PLEKHA5: variants seen among roughly 807,000 people sequenced by gnomAD.
PLEKHA5 encodes the protein pleckstrin homology domain containing A5, also known as pleckstrin homology domain-containing family A member 5.
A neutral mutation model predicts 181.9 loss-of-function variants in PLEKHA5; 55 were observed. The ratio of observed to expected loss-of-function variants is 0.30; its 90% CI spans 0.24 to 0.38. The LOEUF (loss-of-function observed/expected upper bound fraction) is 0.38, where lower values mean the gene tolerates loss of function less well. Among genes scored for constraint, PLEKHA5 ranks in the 10% least tolerant of loss-of-function variants. The pLI is 1.00. For missense variants in PLEKHA5, 1,432 were observed against 1,549.5 expected (o/e 0.92, Z 1.27); for synonymous variants, 535 against 529.4 (o/e 1.01, Z -0.15).
At chr12:19,154,777 A>C (rs2041283328) in intron 3 of PLEKHA5, 1 of 152,188 alleles carries the variant, frequency 6.6e-6, no homozygotes, top group African/African-American at 2.4e-5. Context: ...TTTAAAATAT[A>C]ATGTTATCTT....
intron 13 of PLEKHA5, among the ~76,000 whole-genome samples, chr12:19,288,399 A>G (rs1342814949): frequency 1.3e-5 from 2 of 152,194 alleles, no homozygotes; most frequent in Non-Finnish European, 2.9e-5. Flanking sequence ...TTAGCAGGAC[A>G]CTTCTTCTAG....
chr12:19,229,012 A>T (rs1008349056), intron 3 of PLEKHA5, among the ~76,000 whole-genome samples: 8 of 152,344 alleles, frequency 5.3e-5, no homozygotes, highest in Admixed American at 1.3e-4. Flanking sequence ...TGACAAAGGA[A>T]TTTATACAAA....
intron 3 of PLEKHA5, among the ~76,000 whole-genome samples, chr12:19,165,769 T>A (rs766606748): frequency 2.0e-5 from 3 of 152,178 alleles, no homozygotes; most frequent in Non-Finnish European, 4.4e-5. Flanking sequence ...TATTTTGGTC[T>A]AACTATCAAA....
At chr12:19,350,152 A>G (rs1319160072) in intron 25 of PLEKHA5, among the ~76,000 whole-genome samples, 3 of 152,122 alleles carry the variant, frequency 2.0e-5, no homozygotes, top group African/African-American at 7.2e-5. Flanking sequence ...ACTGTTTGAA[A>G]CTTGATTGGA....
chr12:19,169,108 C>A, intron 3 of PLEKHA5, among the ~76,000 whole-genome samples: 1 of 152,006 alleles, frequency 6.6e-6, no homozygotes, highest in East Asian at 1.9e-4. Flanking sequence ...TATTTTTACT[C>A]TTAAAGAAAA....
At chr12:19,335,711 A>G (rs1022173252) in intron 20 of PLEKHA5, among the ~76,000 whole-genome samples, 6 of 151,156 alleles carry the variant, frequency 4.0e-5, no homozygotes, top group Non-Finnish European at 8.8e-5. Flanking sequence ...GGCTCACTGC[A>G]ACCTCTGCTT....
intron 18 of PLEKHA5, 164 bp downstream of exon 18, chr12:19,320,788 C>T (rs570090708): frequency 2.4e-6 from 1 of 422,118 alleles, no homozygotes; most frequent in African/African-American, 2.0e-5. Context: ...TCCCTGCCCT[C>T]TACGTCCCAC....
intron 5 of PLEKHA5, among the ~76,000 whole-genome samples, chr12:19,255,647 A>G (rs1208572270): frequency 6.6e-6 from 1 of 151,832 alleles, no homozygotes; most frequent in East Asian, 1.9e-4. Flanking sequence ...TTTTCAAGTA[A>G]TATAAATAAT....
intron 25 of PLEKHA5, among the ~76,000 whole-genome samples, chr12:19,349,441 A>AG (rs1273513690): frequency 2.0e-5 from 3 of 152,100 alleles, no homozygotes; most frequent in African/African-American, 7.2e-5. Context: ...TGTGTGTTTA[A>AG]AATTATGCAT....
At chr12:19,159,576 T>C (rs2151451090) in intron 3 of PLEKHA5, among the ~76,000 whole-genome samples, 1 of 152,284 alleles carries the variant, frequency 6.6e-6, no homozygotes, top group Middle Eastern at 3.4e-3. Flanking sequence ...AAATGTTTCA[T>C]TTAAAATTGT....
At chr12:19,374,657 T>G (rs956877450) in intron 31 of PLEKHA5, among the ~76,000 whole-genome samples, 1 of 141,620 alleles carries the variant, frequency 7.1e-6, no homozygotes, top group African/African-American at 2.7e-5. Context: ...AGACTCAGTC[T>G]CAAAAATAAT....
At chr12:19,136,340 T>G (rs1013404909) in intron 3 of PLEKHA5, among the ~76,000 whole-genome samples, 1 of 152,230 alleles carries the variant, frequency 6.6e-6, no homozygotes, top group Non-Finnish European at 1.5e-5. Context: ...TTCATATTGT[T>G]TTTATAACTT....
intron 20 of PLEKHA5, among the ~76,000 whole-genome samples, chr12:19,326,764 T>G (rs1167589201): frequency 6.6e-6 from 1 of 152,168 alleles, no homozygotes. Context: ...GTTACCATCT[T>G]TATGTCCACG....
chr12:19,149,290 C>T lies in PLEKHA5; in HGVS notation c.227+16840C>T, dbSNP rs535578523. ...GGCCAGCGTGGACGGATCACGAGGT[C>T]GGGAGATCGAGACCATCCTGGCTAG... On this transcript the variant is annotated intron_variant, in intron 3 of 31. Coordinates refer to ENST00000429027, the MANE Select transcript of PLEKHA5 (RefSeq NM_001256470.2). Among the ~76,000 whole-genome samples, 7 of 151,828 alleles carry T rather than the reference C, an allele frequency of 4.6e-5. No homozygotes were observed. The South Asian group carries it at 8.3e-4, about 18-fold the overall frequency.
chr12:19,185,808 G>C lies in PLEKHA5; in HGVS notation c.227+53358G>C, dbSNP rs181311680. On this transcript the variant is annotated intron_variant, in intron 3 of 31. Transcript: ENST00000429027. ...TGAAACAAAAAGTAATGAAGATCAAGTTGTTCCAAGGATAGCCATTAACTA... is the reference window on the plus strand; with the variant it reads ...TGAAACAAAAAGTAATGAAGATCAACTTGTTCCAAGGATAGCCATTAACTA... 1.2e-3 allele frequency among the ~76,000 whole-genome samples: 183 copies of C among 152,280 alleles called. 2 individuals carry two copies. Among genetic ancestry groups the C allele is most frequent in the Admixed American group, 0.012 (179 of 15,288 alleles).
intron 3 of PLEKHA5, among the ~76,000 whole-genome samples, chr12:19,166,474 C>T (rs2151578488): frequency 6.6e-6 from 1 of 152,198 alleles, no homozygotes; most frequent in Non-Finnish European, 1.5e-5. Context: ...CGCCCGTACT[C>T]ATCTTTCACA....
rs78310435 is a variant in PLEKHA5, at chr12:19,288,333, A to G, written c.1863+777A>G. ...CTGTAACAAGCGTTCGATCAAAGCA[A>G]GTATTTACCATTACCATTTCATTGT... On this transcript the variant is annotated intron_variant, in intron 13 of 31. Transcript: ENST00000429027. Among the ~76,000 whole-genome samples, 1,162 of 152,342 alleles carry G rather than the reference A, an allele frequency of 7.6e-3. 14 individuals carry two copies. The highest frequency in any genetic ancestry group is 0.026 in the African/African-American group (1,090 of 41,574).
chr12:19,307,704 G>C (rs1023320246), intron 15 of PLEKHA5: 4 of 349,318 alleles, frequency 1.1e-5, no homozygotes, highest in African/African-American at 8.8e-5. Flanking sequence ...TCATTCCAGA[G>C]AGAGAGGCAG....
At chr12:19,176,371 G>A (rs556583138) in intron 3 of PLEKHA5, 1 of 151,888 alleles carries the variant, frequency 6.6e-6, no homozygotes, top group South Asian at 2.1e-4. Flanking sequence ...GATCAGCACA[G>A]GAGTTTTGAC....
Sources: gnomAD v4.1 joint callset for allele counts (sites outside exome capture counted in the v4.1 genomes callset) on GRCh38, gnomAD v4.1.1 for gene constraint, MANE v1.5 for transcripts, NCBI Gene and HGNC (gene_info 2026-07-23, HGNC 2026-07-21) for gene names.